Variants in GABRB1 observed in about 807,000 individuals in gnomAD.
GABRB1 encodes gamma-aminobutyric acid receptor subunit beta-1.
GABRB1 carries 17 observed loss-of-function variants against 51.6 expected under a neutral mutation model. The ratio of observed to expected loss-of-function variants is 0.33; its 90% confidence interval spans 0.23 to 0.49. The LOEUF (loss-of-function observed/expected upper bound fraction) is 0.49. GABRB1 is among the 20% of genes least tolerant of loss of function. The pLI is 0.99. For synonymous variants in GABRB1, 247 were observed against 218.9 expected, an observed-to-expected ratio of 1.13 and a Z score of -1.14; for missense variants, 410 against 600.6, an observed-to-expected ratio of 0.68 and a Z score of 3.32.
intron 1 of GABRB1, among the ~76,000 whole-genome samples, chr4:47,011,062 G>T (rs1385319510): frequency 6.6e-6 from 1 of 152,098 alleles, no homozygotes; most frequent in African/African-American, 2.4e-5. Flanking sequence ...GTGTGAATAA[G>T]TTTTAGTCAA....
intron 3 of GABRB1, among the ~76,000 whole-genome samples, chr4:47,132,181 C>CT (rs1014624319): frequency 1.3e-5 from 2 of 152,062 alleles, no homozygotes; most frequent in African/African-American, 4.8e-5. Context: ...ATTTCTCTCT[C>CT]TTTTTTTACA....
At chr4:47,019,432 A>G (rs1178853863) in intron 1 of GABRB1, among the ~76,000 whole-genome samples, 5 of 152,150 alleles carry the variant, frequency 3.3e-5, no homozygotes, top group Non-Finnish European at 7.3e-5. Context: ...TAAACACTGT[A>G]TTAGTTTGCT....
chr4:47,315,645 A>G (rs1485025829), intron 4 of GABRB1, among the ~76,000 whole-genome samples: 3 of 151,990 alleles, frequency 2.0e-5, no homozygotes, highest in Non-Finnish European at 4.4e-5. Context: ...GCCCATTAAC[A>G]GTAGACTGGA....
At chr4:47,002,894 C>A (rs1018704529) in intron 1 of GABRB1, among the ~76,000 whole-genome samples, 2 of 152,060 alleles carry the variant, frequency 1.3e-5, no homozygotes, top group African/African-American at 4.8e-5. Context: ...AGAAGGAGAA[C>A]CTCAATGGTA....
intron 4 of GABRB1, among the ~76,000 whole-genome samples, chr4:47,248,237 T>C (rs1721840012): frequency 6.6e-6 from 1 of 152,128 alleles, no homozygotes; most frequent in South Asian, 2.1e-4. Context: ...GGATGCTGGA[T>C]TTTGTAGAAT....
chr4:47,034,723 C>T (rs1256649240), intron 3 of GABRB1, among the ~76,000 whole-genome samples: 2 of 152,034 alleles, frequency 1.3e-5, no homozygotes, highest in Non-Finnish European at 2.9e-5. Context: ...TTGGAAATAA[C>T]TCCAAGAAAA....
chr4:47,351,667 T>C (rs1206915634), intron 5 of GABRB1, among the ~76,000 whole-genome samples: 1 of 150,376 alleles, frequency 6.6e-6, no homozygotes, highest in Admixed American at 6.6e-5. Flanking sequence ...GTGTTTGGTT[T>C]TTTGTCCTTG....
chr4:47,148,035 G>T (rs546923058), intron 3 of GABRB1, among the ~76,000 whole-genome samples: 83 of 152,130 alleles, frequency 5.5e-4, no homozygotes, highest in African/African-American at 2.0e-3. Context: ...AATGGATTAG[G>T]GAAGAACAAG....
intron 3 of GABRB1, among the ~76,000 whole-genome samples, chr4:47,051,295 G>A (rs1168953596): frequency 1.3e-5 from 2 of 152,126 alleles, no homozygotes; most frequent in Non-Finnish European, 2.9e-5. Flanking sequence ...AGCTAAGAAG[G>A]GAAGAAGGGC....
chr4:47,158,087 C>T (rs952016215), intron 3 of GABRB1, among the ~76,000 whole-genome samples: 7 of 151,922 alleles, frequency 4.6e-5, no homozygotes, highest in African/African-American at 1.7e-4. Context: ...CTACAGGAAA[C>T]AAAAATAGTT....
At chr4:47,327,583 C>T (rs1036237380) in intron 5 of GABRB1, among the ~76,000 whole-genome samples, 1 of 152,088 alleles carries the variant, frequency 6.6e-6, no homozygotes, top group Admixed American at 6.6e-5. Flanking sequence ...TTAGTGACAC[C>T]TGGTTACTTT....
At chr4:47,337,808 TA>T (rs1170540924) in intron 5 of GABRB1, among the ~76,000 whole-genome samples, 10,396 of 84,442 alleles carry the variant, frequency 0.12, 687 homozygotes, top group East Asian at 0.29. Flanking sequence ...AGACTCTGTC[TA>T]AAAAAAAAAA....
At chr4:47,238,800 A>T (rs373456491) in intron 4 of GABRB1, among the ~76,000 whole-genome samples, 1 of 152,236 alleles carries the variant, frequency 6.6e-6, no homozygotes, top group East Asian at 1.9e-4. Context: ...TTCTTATGCA[A>T]CATTTATATG....
chr4:47,155,029 C>T (rs1257058000), intron 3 of GABRB1, among the ~76,000 whole-genome samples: 1 of 152,066 alleles, frequency 6.6e-6, no homozygotes, highest in Non-Finnish European at 1.5e-5. Context: ...TCCATCTCAA[C>T]TTTTTCGAGC....
chr4:47,216,454 G>A (rs1283242344), intron 4 of GABRB1, among the ~76,000 whole-genome samples: 1 of 151,932 alleles, frequency 6.6e-6, no homozygotes, highest in Non-Finnish European at 1.5e-5. Context: ...ATATTTCTGA[G>A]CTGCAAGGGA....
In GABRB1 at chr4:47,096,394, T is replaced by A. The variant is rs148061315; in HGVS notation, c.240+63910T>A. Among the ~76,000 whole-genome samples the A allele has an allele frequency of 7.3e-3, 1,111 of 152,152 alleles. 10 individuals are homozygous for A. Among genetic ancestry groups the A allele is most frequent in the African/African-American group, 0.025 (1,045 of 41,504 alleles). ...CAACTAAGCCGATCCCTGCAAAGTGTTTGTGGTTTTAAAAAGAGAATGAGG... is the reference window on the plus strand; with the variant it reads ...CAACTAAGCCGATCCCTGCAAAGTGATTGTGGTTTTAAAAAGAGAATGAGG... On this transcript the variant is annotated intron_variant, in intron 3 of 8. Transcript: ENST00000295454.
intron 4 of GABRB1, among the ~76,000 whole-genome samples, chr4:47,210,190 T>A (rs994403790): frequency 2.0e-5 from 3 of 152,130 alleles, no homozygotes; most frequent in Non-Finnish European, 4.4e-5. Context: ...CAGCAACTCT[T>A]TTCTGAGAAA....
chr4:47,187,811 T>C (rs943623266), intron 4 of GABRB1, among the ~76,000 whole-genome samples: 28 of 152,016 alleles, frequency 1.8e-4, no homozygotes, highest in African/African-American at 5.8e-4. Context: ...AATCCAGTCA[T>C]AAAGACTTTG....
At chr4:47,249,027 G>C (rs887173670) in intron 4 of GABRB1, among the ~76,000 whole-genome samples, 2 of 151,674 alleles carry the variant, frequency 1.3e-5, no homozygotes, top group Non-Finnish European at 2.9e-5. Flanking sequence ...CTTTATTCTT[G>C]GTTATTTCCT....
Sources: gnomAD v4.1 joint callset for allele counts (sites outside exome capture counted in the v4.1 genomes callset) on GRCh38, gnomAD v4.1.1 for gene constraint, MANE v1.5 for transcripts, NCBI Gene and HGNC (gene_info 2026-07-23, HGNC 2026-07-21) for gene names.